SLC2A12: variants seen among roughly 807,000 people sequenced by gnomAD.
SLC2A12 encodes the protein solute carrier family 2, facilitated glucose transporter member 12.
A neutral mutation model predicts 41.8 loss-of-function variants in SLC2A12; 23 were observed. That is an observed-to-expected ratio of 0.55 (90% CI 0.40 to 0.78). SLC2A12 has a LOEUF of 0.78. Ranked by LOEUF, SLC2A12 falls within the 30% of genes least tolerant of loss-of-function variation. The pLI, the probability that SLC2A12 is intolerant of heterozygous loss-of-function variation, is 0.00. For missense variants in SLC2A12, 654 were observed against 745.6 expected (o/e 0.88, Z 1.43); for synonymous variants, 295 against 285.9 (o/e 1.03, Z -0.32).
intron 2 of SLC2A12, among the ~76,000 whole-genome samples, chr6:134,021,735 G>A (rs181439864): frequency 6.6e-6 from 1 of 152,168 alleles, no homozygotes; most frequent in Non-Finnish European, 1.5e-5. Flanking sequence ...AAATTTATAC[G>A]TTTGGTAGCC....
intron 4 of SLC2A12, among the ~76,000 whole-genome samples, chr6:133,992,372 T>G (rs1776635521): frequency 6.6e-6 from 1 of 151,818 alleles, no homozygotes; most frequent in Non-Finnish European, 1.5e-5. Context: ...ATAATTAGAG[T>G]GAAGAAGTGG....
chr6:134,035,051 T>C (rs1777274301), intron 1 of SLC2A12, among the ~76,000 whole-genome samples: 1 of 149,996 alleles, frequency 6.7e-6, no homozygotes, highest in Admixed American at 6.8e-5. Context: ...TTCTTCCTGC[T>C]GTTGGGGCTC....
At chr6:134,049,491 G>C (rs1385005658) in intron 1 of SLC2A12, among the ~76,000 whole-genome samples, 1 of 152,170 alleles carries the variant, frequency 6.6e-6, no homozygotes, top group East Asian at 1.9e-4. Flanking sequence ...GTGACCGTGG[G>C]CCGATCACAC....
At chr6:134,034,719 C>T (rs1777268680) in intron 1 of SLC2A12, among the ~76,000 whole-genome samples, 1 of 152,146 alleles carries the variant, frequency 6.6e-6, no homozygotes, top group Admixed American at 6.6e-5. Flanking sequence ...TGTCTACACA[C>T]AGAGGTGAGA....
intron 2 of SLC2A12, among the ~76,000 whole-genome samples, chr6:134,016,560 T>A (rs1200007009): frequency 6.6e-6 from 1 of 152,002 alleles, no homozygotes; most frequent in Non-Finnish European, 1.5e-5. Context: ...TTTGTCAACA[T>A]CATTAAACTG....
intron 2 of SLC2A12, among the ~76,000 whole-genome samples, chr6:134,013,507 G>T (rs1040871485): frequency 1.3e-5 from 2 of 152,020 alleles, no homozygotes; most frequent in Non-Finnish European, 2.9e-5. Context: ...CAATGAGATG[G>T]ATGGGGAGTT....
intron 2 of SLC2A12, among the ~76,000 whole-genome samples, chr6:134,011,409 C>T (rs1196449884): frequency 1.3e-5 from 2 of 151,822 alleles, no homozygotes; most frequent in Admixed American, 1.3e-4. Flanking sequence ...ATCGCTTGAG[C>T]CCAGGAGTTT....
chr6:133,992,391 C>A (rs1562673142), intron 4 of SLC2A12, among the ~76,000 whole-genome samples: 1 of 151,966 alleles, frequency 6.6e-6, no homozygotes, highest in Non-Finnish European at 1.5e-5. Flanking sequence ...GGGAGGGGGT[C>A]CTGGAGGCTT....
At chr6:134,032,426 T>TTTATATA (rs1416304432) in intron 1 of SLC2A12, among the ~76,000 whole-genome samples, 1 of 35,506 alleles carries the variant, frequency 2.8e-5, no homozygotes, top group African/African-American at 1.2e-4. Context: ...ATATATATAT[T>TTTATATA]TATATATATA....
At position 134,029,385 on chromosome 6, in the gene SLC2A12, G is replaced by A; in HGVS notation, c.440C>T (p.Ser147Phe). Reference protein sequence around the residue: ...RIAIGVSISLSSIATCVYIAE... With the variant: ...RIAIGVSISLFSIATCVYIAE... ...GATGTAAACACAAGTGGCAATGGAA[G>A]AGAGGGAGATGGAGACCCCTATGGC... The change falls in exon 2 of 5, where the codon TCT (serine) becomes TTT (phenylalanine). Residue 147 changes from serine (S) to phenylalanine (F), a missense_variant. Physicochemically the swap from Ser to Phe is radical, Grantham distance 155. This residue lies in a region of SLC2A12 where 411 missense variants were observed against 412.1 expected (regional missense o/e 1.00). Coordinates refer to ENST00000275230, the MANE Select transcript of SLC2A12 (RefSeq NM_145176.3). 1.2e-6 allele frequency: 2 copies of A among 1,614,212 alleles called. No homozygotes were observed. Among genetic ancestry groups the A allele is most frequent in the East Asian group, 2.2e-5 (1 of 44,878 alleles).
intron 1 of SLC2A12, among the ~76,000 whole-genome samples, chr6:134,029,956 T>G (rs1013804220): frequency 4.6e-5 from 7 of 152,216 alleles, no homozygotes; most frequent in African/African-American, 1.7e-4. Flanking sequence ...TCCAGTTTCC[T>G]TCTATTTATG....
chr6:134,007,313 G>T (rs557053015), intron 2 of SLC2A12, among the ~76,000 whole-genome samples: 1 of 152,348 alleles, frequency 6.6e-6, no homozygotes, highest in African/African-American at 2.4e-5. Flanking sequence ...CAGTGCCAGA[G>T]CCCAGGTGTA....
intron 2 of SLC2A12, among the ~76,000 whole-genome samples, chr6:134,017,713 G>T (rs537623657): frequency 6.6e-6 from 1 of 152,164 alleles, no homozygotes; most frequent in South Asian, 2.1e-4. Context: ...AATTAGCCAG[G>T]CGTGGTGGCG....
chr6:134,005,659 TAAAAAA>T (rs56710009), intron 3 of SLC2A12, among the ~76,000 whole-genome samples: 7,977 of 63,504 alleles, frequency 0.13, 165 homozygotes, highest in Non-Finnish European at 0.16. Context: ...GACTCTGTCT[TAAAAAA>T]AAAAAAAAAA....
chr6:134,001,511 A>G (rs1022096080), intron 4 of SLC2A12, among the ~76,000 whole-genome samples: 4 of 152,342 alleles, frequency 2.6e-5, no homozygotes, highest in Admixed American at 2.6e-4. Flanking sequence ...ATATGGTTTA[A>G]TGCTTTTTAA....
chr6:134,036,004 G>A (rs544741316), intron 1 of SLC2A12, among the ~76,000 whole-genome samples: 8 of 152,272 alleles, frequency 5.3e-5, no homozygotes, highest in African/African-American at 9.6e-5. Context: ...CACTCAACAC[G>A]AAACAATCCA....
chr6:134,043,289 A>G (rs1400256069), intron 1 of SLC2A12, among the ~76,000 whole-genome samples: 1 of 152,124 alleles, frequency 6.6e-6, no homozygotes, highest in African/African-American at 2.4e-5. Flanking sequence ...GATCAGAACC[A>G]CGAAACTCCT....
Position 133,997,231 on chromosome 6 carries a change from TA to T in SLC2A12, c.1700+4765del, listed in dbSNP as rs1582595891. ...GAGCTCATGTCACTGCACTCCAGCCTAGGGGCAACAGAGCGAGACTCCATCT... is the reference window on the plus strand; with the variant it reads ...GAGCTCATGTCACTGCACTCCAGCCTGGGGCAACAGAGCGAGACTCCATCT... On this transcript the variant is annotated intron_variant, in intron 4 of 4. Transcript: ENST00000275230. Among the ~76,000 whole-genome samples the T allele has an allele frequency of 4.6e-5, 7 of 151,818 alleles. No homozygotes were observed. In the East Asian group the frequency reaches 9.7e-4, roughly 21 times the overall value.
At chr6:134,005,659 TAAAAAAAAAAA>T (rs56710009) in intron 3 of SLC2A12, among the ~76,000 whole-genome samples, 14 of 64,968 alleles carry the variant, frequency 2.2e-4, no homozygotes, top group East Asian at 9.9e-4. Context: ...GACTCTGTCT[TAAAAAAAAAAA>T]AAAAAAAAAA....
Sources: gnomAD v4.1 joint callset for allele counts (sites outside exome capture counted in the v4.1 genomes callset) on GRCh38, gnomAD v4.1.1 for gene constraint, gnomAD v4.1.1 regional missense constraint, MANE v1.5 for transcripts, NCBI Gene and HGNC (gene_info 2026-07-23, HGNC 2026-07-21) for gene names.